The following SULF2 variants were observed in gnomAD, a reference collection of about 807,000 sequenced individuals.
The protein encoded by SULF2 is extracellular sulfatase Sulf-2.
In SULF2, 52 loss-of-function variants were observed where a neutral mutation model predicts 107.7. The observed-to-expected ratio is 0.48, with a 90% confidence interval of 0.39 to 0.61. The LOEUF (loss-of-function observed/expected upper bound fraction) is 0.61, where lower values mean the gene tolerates loss of function less well. Among genes scored for constraint, SULF2 ranks in the 20% least tolerant of loss-of-function variants. SULF2 has a pLI of 0.00. For missense variants in SULF2, 993 were observed against 1,177.3 expected (o/e 0.84, Z 2.29); for synonymous variants, 460 against 464.3 (o/e 0.99, Z 0.12).
At chr20:47,688,026 G>GT (rs1568817202) in intron 5 of SULF2, among the ~76,000 whole-genome samples, 1 of 151,850 alleles carries the variant, frequency 6.6e-6, no homozygotes, top group East Asian at 1.9e-4. Flanking sequence ...TGTGTGTGTG[G>GT]GGGGGTGCAT....
rs959277466 is a variant in SULF2 at position 47,658,193 on chromosome 20, C to T, written c.*169G>A. 1.7e-5 allele frequency: 12 copies of T among 691,650 alleles called. No individual in the cohort carries two copies. Among genetic ancestry groups the T allele is most frequent in the Middle Eastern group, 6.5e-4 (2 of 3,076 alleles). The allele number at this position is 691,650 out of a possible 1,614,324, so 42.8% of individuals were successfully genotyped here. A position where few individuals can be genotyped will look rare whatever the true frequency, so the allele number is the denominator to read the frequency against. On this transcript the variant is annotated 3_prime_UTR_variant, in exon 21 of 21. Transcript: ENST00000688720. ...TGGACTTCCTGAAGTTATCTCTGCT[C>T]CTGCTGGTTATCCTCCAGAATCTGT...
intron 3 of SULF2, among the ~76,000 whole-genome samples, chr20:47,708,288 G>A (rs1395616163): frequency 6.6e-6 from 1 of 152,222 alleles, no homozygotes; most frequent in Non-Finnish European, 1.5e-5. Flanking sequence ...GAGGAAAACT[G>A]TTCCAGGCAG....
rs150013981 is a variant in SULF2, at chr20:47,781,724, G to A, written c.-101+3619C>T. Among the ~76,000 whole-genome samples the A allele has an allele frequency of 5.3e-3, 804 of 152,188 alleles. 13 individuals carry two copies. Among genetic ancestry groups the A allele is most frequent in the African/African-American group, 0.018 (768 of 41,520 alleles). On this transcript the variant is annotated intron_variant, in intron 1 of 20. Transcript: ENST00000688720. ...TGCTTACCACAAGCAGGAGACAGGT[G>A]CTATGATCATCATCATTTGTTGGAT... is the stretch of plus-strand genomic sequence containing the variant.
At chr20:47,737,444 G>A (rs1309411882) in intron 2 of SULF2, among the ~76,000 whole-genome samples, 1 of 151,566 alleles carries the variant, frequency 6.6e-6, no homozygotes, top group Non-Finnish European at 1.5e-5. Flanking sequence ...CCCAATAATT[G>A]TTTGCTCTTA....
chr20:47,707,658 T>C (rs1259045507), intron 3 of SULF2, among the ~76,000 whole-genome samples: 1 of 152,138 alleles, frequency 6.6e-6, no homozygotes, highest in Non-Finnish European at 1.5e-5. Flanking sequence ...CTCCCCTGTG[T>C]GCCATTCATG....
At chr20:47,769,359 A>ATT (rs71183279) in intron 1 of SULF2, among the ~76,000 whole-genome samples, 17,766 of 128,430 alleles carry the variant, frequency 0.14, 1,699 homozygotes, top group African/African-American at 0.27. Context: ...TAATTTTTGT[A>ATT]TTTTTTTTTT....
chr20:47,717,142 A>T (rs185721795), intron 3 of SULF2, among the ~76,000 whole-genome samples: 100 of 152,356 alleles, frequency 6.6e-4, no homozygotes, highest in African/African-American at 2.1e-3. Flanking sequence ...GTAAAAAGGT[A>T]AACAGTGTCC....
chr20:47,688,007 G>A lies in SULF2; in HGVS notation c.737+2119C>T, dbSNP rs111289355. 7.9e-3 allele frequency among the ~76,000 whole-genome samples: 1,201 copies of A among 152,178 alleles called. 22 individuals are homozygous for A. Among genetic ancestry groups the A allele is most frequent in the African/African-American group, 0.026 (1,080 of 41,508 alleles). The stretch of plus-strand genomic sequence containing the variant: ...TGCATGTCTTTGTGTGTGTCTGTAT[G>A]TATGTGACTGTGTGTGTGGGGGGGT... On this transcript the variant is annotated intron_variant, in intron 5 of 20. Coordinates refer to ENST00000688720, the MANE Select transcript of SULF2 (RefSeq NM_001387048.1).
chr20:47,734,289 T>C (rs1289435473), intron 3 of SULF2, among the ~76,000 whole-genome samples: 3 of 152,224 alleles, frequency 2.0e-5, no homozygotes, highest in Non-Finnish European at 1.5e-5. Context: ...CTTTGCTAGG[T>C]GGCCACGTGA....
chr20:47,658,510 T>C, intron 20 of SULF2, 118 bp from the exon 21 acceptor site: 1 of 1,130,396 alleles, frequency 8.8e-7, no homozygotes, highest in Non-Finnish European at 1.3e-6. Context: ...TGAATATTTC[T>C]AGGTTACTTA....
In SULF2 at chr20:47,657,758, T is replaced by C. The variant is rs2086941953; in HGVS notation, c.*604A>G. The C allele has an allele frequency of 6.6e-6, 1 of 152,316 alleles. No individual in the cohort carries two copies. Among genetic ancestry groups the C allele is most frequent in the African/African-American group, 2.4e-5 (1 of 41,462 alleles). 9.4% of individuals were successfully genotyped at this position (152,316 alleles called of 1,614,324 possible). A position where few individuals can be genotyped will look rare whatever the true frequency, so the allele number is the denominator to read the frequency against. ...TTAGGTTCCCCTAAAAGTTCCCATGTTGATTACATGTAAATAGTCACATAT... is the reference window on the plus strand; with the variant it reads ...TTAGGTTCCCCTAAAAGTTCCCATGCTGATTACATGTAAATAGTCACATAT... On this transcript the variant is annotated 3_prime_UTR_variant, in exon 21 of 21. Transcript: ENST00000688720.
At chr20:47,729,833 T>G (rs977416979) in intron 3 of SULF2, among the ~76,000 whole-genome samples, 1 of 152,018 alleles carries the variant, frequency 6.6e-6, no homozygotes. Context: ...AGAGGGGCAT[T>G]GGGCCACTTT....
chr20:47,711,208 C>T (rs936000222), intron 3 of SULF2, among the ~76,000 whole-genome samples: 1 of 152,250 alleles, frequency 6.6e-6, no homozygotes, highest in African/African-American at 2.4e-5. Flanking sequence ...CTCCCAGCAT[C>T]AGTTCTCCCT....
chr20:47,752,147 C>T (rs575273259), intron 2 of SULF2, among the ~76,000 whole-genome samples: 6 of 152,348 alleles, frequency 3.9e-5, no homozygotes, highest in African/African-American at 1.4e-4. Flanking sequence ...GCAAAGCTTG[C>T]TGTAGACAAA....
intron 4 of SULF2, among the ~76,000 whole-genome samples, chr20:47,697,743 A>G (rs2088431563): frequency 6.6e-6 from 1 of 152,182 alleles, no homozygotes; most frequent in African/African-American, 2.4e-5. Flanking sequence ...TGTGGGCAGG[A>G]AACAGGGCAA....
rs148212671 is a variant in SULF2, at chr20:47,693,565, C to T, written c.568-3270G>A. ...GCTACGTGGATGAACACGGATCAAA[C>T]GTGGATAAATCTTACAATGTTATAT... On this transcript the variant is annotated intron_variant, in intron 4 of 20. Transcript: ENST00000688720. Among the ~76,000 whole-genome samples, 413 of 152,306 alleles carry T rather than the reference C, an allele frequency of 2.7e-3. 2 individuals carry two copies. The highest frequency in any genetic ancestry group is 7.8e-3 in the African/African-American group (323 of 41,562).
chr20:47,661,775 A>G lies in SULF2; in HGVS notation c.2492T>C (p.Leu831Pro). Residue 831 changes from leucine (L) to proline (P), a missense_variant and splice_region_variant, in exon 18 of 21, where the codon CTG becomes CCG. Transcript: ENST00000688720. Reference protein sequence around the residue: ...QCNPRTRNMDLGLKDGGSYEQ... With the variant: ...QCNPRTRNMDPGLKDGGSYEQ... ...CCCACGTTGGGGTGCCTACTCACCCAGGTCCATGTTTCGAGTCCGGGGGTT... is the reference window on the plus strand; with the variant it reads ...CCCACGTTGGGGTGCCTACTCACCCGGGTCCATGTTTCGAGTCCGGGGGTT... 3 of 1,537,678 alleles carry G rather than the reference A, an allele frequency of 2.0e-6. No individual in the cohort carries two copies. The highest frequency in any genetic ancestry group is 2.7e-6 in the Non-Finnish European group (3 of 1,128,308).
intron 1 of SULF2, among the ~76,000 whole-genome samples, chr20:47,784,077 G>A (rs569984562): frequency 2.0e-4 from 31 of 152,222 alleles, no homozygotes; most frequent in Non-Finnish European, 3.7e-4. Context: ...TGGAGAGCGC[G>A]CAGATCCGGG....
In SULF2 at chr20:47,660,363, C is replaced by T. The variant is rs548281539; in HGVS notation, c.2495-633G>A. ...ATTCTGATCATATCAGGCTCCTGAC[C>T]AGAAGTATTAGTGCAACATCTTGTG... On this transcript the variant is annotated intron_variant, in intron 18 of 20. Coordinates refer to ENST00000688720, the MANE Select transcript of SULF2 (RefSeq NM_001387048.1). 7.9e-5 allele frequency among the ~76,000 whole-genome samples: 12 copies of T among 152,286 alleles called. No individual in the cohort carries two copies. In the South Asian group the frequency reaches 2.5e-3, roughly 32 times the overall value.
Sources: gnomAD v4.1 joint callset for allele counts (sites outside exome capture counted in the v4.1 genomes callset) on GRCh38, gnomAD v4.1.1 for gene constraint, MANE v1.5 for transcripts, NCBI Gene and HGNC (gene_info 2026-07-23, HGNC 2026-07-21) for gene names.